The following PBX4 variants were observed in gnomAD, a reference collection of about 807,000 sequenced individuals.
PBX4 encodes the protein PBX homeobox 4.
PBX4 carries 26 observed loss-of-function variants against 35.1 expected under a neutral mutation model. That is an observed-to-expected ratio of 0.74 (90% CI 0.54 to 1.03). PBX4 has a LOEUF of 1.03. Ranked by LOEUF, PBX4 falls within the 50% of genes least tolerant of loss-of-function variation. PBX4 has a pLI of 0.00. For missense variants in PBX4, 448 were observed against 504.3 expected (o/e 0.89, Z 1.07); for synonymous variants, 199 against 204.2 (o/e 0.97, Z 0.22).
chr19:19,606,256 C>A (rs1207247762), intron 1 of PBX4: 1 of 152,192 alleles, frequency 6.6e-6, no homozygotes, highest in African/African-American at 2.4e-5. Context: ...TAGAGAGTCA[C>A]CCACTGGCAC....
At chr19:19,594,732 T>C (rs531126506) in intron 2 of PBX4, among the ~76,000 whole-genome samples, 1 of 152,170 alleles carries the variant, frequency 6.6e-6, no homozygotes, top group East Asian at 1.9e-4. Context: ...TAAAGTACTT[T>C]TTTTTTTTAG....
At chr19:19,584,152 C>T (rs1441945666) in intron 2 of PBX4, among the ~76,000 whole-genome samples, 1 of 151,928 alleles carries the variant, frequency 6.6e-6, no homozygotes, top group Non-Finnish European at 1.5e-5. Context: ...GCTCGAGAAC[C>T]GCTTGCACCC....
rs147234145 is a variant in PBX4 at position 19,613,038 on chromosome 19, G to A, written c.119+5473C>T. 3.0e-3 allele frequency among the ~76,000 whole-genome samples: 456 copies of A among 151,964 alleles called. 4 individuals are homozygous for A. The Middle Eastern group carries it at 0.031, about 10-fold the overall frequency. ...GGGTTTCTCCACGTTGCACAGGCTGGTCTCGAAGTCCTGAGCTCAGGTGAT... is the reference window on the plus strand; with the variant it reads ...GGGTTTCTCCACGTTGCACAGGCTGATCTCGAAGTCCTGAGCTCAGGTGAT... On this transcript the variant is annotated intron_variant, in intron 1 of 7. Coordinates refer to ENST00000251203, the MANE Select transcript of PBX4 (RefSeq NM_025245.3).
At chr19:19,574,234 T>C (rs2144721910) in intron 2 of PBX4, among the ~76,000 whole-genome samples, 1 of 152,206 alleles carries the variant, frequency 6.6e-6, no homozygotes, top group South Asian at 2.1e-4. Flanking sequence ...AATGAGGGCA[T>C]CAGGATACAT....
At chr19:19,570,056 C>A in intron 4 of PBX4, 53 bp downstream of exon 4, 1 of 1,519,168 alleles carries the variant, frequency 6.6e-7, no homozygotes, top group Non-Finnish European at 8.8e-7. Flanking sequence ...CACTATTTCC[C>A]TCCAGTCCCT....
At chr19:19,588,540 G>A (rs2061505426) in intron 2 of PBX4, 1 of 481,086 alleles carries the variant, frequency 2.1e-6, no homozygotes, top group Non-Finnish European at 4.0e-6. Flanking sequence ...CCCTCCGAAA[G>A]TGCTGGCATT....
At chr19:19,604,316 C>T (rs1244585548) in intron 1 of PBX4, among the ~76,000 whole-genome samples, 2 of 151,564 alleles carry the variant, frequency 1.3e-5, no homozygotes, top group South Asian at 2.1e-4. Context: ...CCTAAAAATG[C>T]CAAAAATTTG....
intron 2 of PBX4, among the ~76,000 whole-genome samples, chr19:19,574,300 A>G (rs1335900623): frequency 1.3e-5 from 2 of 152,214 alleles, no homozygotes; most frequent in Admixed American, 1.3e-4. Context: ...GCTTTTGTGC[A>G]TATCACTCAA....
Position 19,570,711 on chromosome 19 carries a change from C to G in PBX4, c.316G>C (p.Ala106Pro). 6.2e-7 allele frequency: 1 copy of G among 1,614,126 alleles called. No individual in the cohort carries two copies. Among genetic ancestry groups the G allele is most frequent in the Non-Finnish European group, 8.5e-7 (1 of 1,180,022 alleles). ...PEKRGRGGAV[A>P]RAGTATPGGC... Reference sequence around the variant, plus strand: ...CCTGGTGTTGCTGTGCCGGCCCTGGCCACCGCTCCTCCTCTTCCTCTCTTC... The same window carrying G: ...CCTGGTGTTGCTGTGCCGGCCCTGGGCACCGCTCCTCCTCTTCCTCTCTTC... Residue 106 changes from alanine to proline, a missense_variant, in exon 3 of 8, where the codon GCC becomes CCC. Coordinates refer to ENST00000251203, the MANE Select transcript of PBX4 (RefSeq NM_025245.3).
chr19:19,566,922 C>T (rs1300051268), intron 5 of PBX4, among the ~76,000 whole-genome samples: 2 of 152,168 alleles, frequency 1.3e-5, no homozygotes, highest in Non-Finnish European at 2.9e-5. Context: ...GTTGGCCAGG[C>T]TGGTCTCGAA....
rs930089887 is a variant in PBX4, at chr19:19,588,310, T to C, written c.193+10982A>G. The C allele has an allele frequency of 4.7e-5, 52 of 1,102,240 alleles. 1 individual carries two copies. The highest frequency in any genetic ancestry group is 1.1e-4 in the South Asian group (9 of 80,758). The allele number at this position is 1,102,240 out of a possible 1,614,324, so 68.3% of individuals were successfully genotyped here. A position where few individuals can be genotyped will look rare whatever the true frequency, so the allele number is the denominator to read the frequency against. On this transcript the variant is annotated intron_variant, in intron 2 of 7. Coordinates refer to ENST00000251203, the MANE Select transcript of PBX4 (RefSeq NM_025245.3). Reference sequence around the variant, plus strand: ...GCACACCAGAGTGCAGGGACGCACATAGGAGTCACAGATAACACATTTGCC... The same window carrying C: ...GCACACCAGAGTGCAGGGACGCACACAGGAGTCACAGATAACACATTTGCC...
chr19:19,597,186 C>T (rs1039148943), intron 2 of PBX4, among the ~76,000 whole-genome samples: 1 of 152,202 alleles, frequency 6.6e-6, no homozygotes, highest in Non-Finnish European at 1.5e-5. Flanking sequence ...GCACTCCAGC[C>T]TGGGCAATAA....
intron 5 of PBX4, 151 bp downstream of exon 5, chr19:19,569,298 G>A (rs1013010970): frequency 1.4e-5 from 14 of 1,007,334 alleles, no homozygotes; most frequent in South Asian, 2.5e-5. Context: ...GGCCTCAAGC[G>A]ACCCTCCTAC....
At chr19:19,569,164 TC>T (rs1351749689) in intron 5 of PBX4, among the ~76,000 whole-genome samples, 1 of 152,128 alleles carries the variant, frequency 6.6e-6, no homozygotes, top group Non-Finnish European at 1.5e-5. Flanking sequence ...GCTCAAGTGA[TC>T]CTTCCACCTC....
At chr19:19,615,264 T>C (rs1446427394) in intron 1 of PBX4, among the ~76,000 whole-genome samples, 1 of 150,410 alleles carries the variant, frequency 6.6e-6, no homozygotes, top group Non-Finnish European at 1.5e-5. Context: ...TGAAGATTGC[T>C]TGGGCCCAGA....
intron 2 of PBX4, among the ~76,000 whole-genome samples, chr19:19,588,834 T>A (rs2061507770): frequency 1.3e-5 from 2 of 152,152 alleles, no homozygotes; most frequent in Admixed American, 1.3e-4. Flanking sequence ...AAGGAACTGA[T>A]CTATCAATAA....
intron 2 of PBX4, among the ~76,000 whole-genome samples, chr19:19,573,230 G>A (rs1412345978): frequency 2.6e-5 from 4 of 151,556 alleles, no homozygotes; most frequent in South Asian, 2.1e-4. Context: ...GCTTGAATCC[G>A]GGAGGTGGAG....
At chr19:19,586,861 G>A (rs1394658434) in intron 2 of PBX4, among the ~76,000 whole-genome samples, 1 of 151,848 alleles carries the variant, frequency 6.6e-6, no homozygotes, top group African/African-American at 2.4e-5. Context: ...AACCCAGGAG[G>A]TGAAGGTTAC....
intron 1 of PBX4, among the ~76,000 whole-genome samples, chr19:19,603,567 C>T (rs1649106649): frequency 6.6e-6 from 1 of 152,160 alleles, no homozygotes; most frequent in African/African-American, 2.4e-5. Flanking sequence ...CCACGGTGCC[C>T]AGCCTGTTGT....
Sources: gnomAD v4.1 joint callset for allele counts (sites outside exome capture counted in the v4.1 genomes callset) on GRCh38, gnomAD v4.1.1 for gene constraint, MANE v1.5 for transcripts, NCBI Gene and HGNC (gene_info 2026-07-23, HGNC 2026-07-21) for gene names.